Variants in PCDHGA6 observed in about 807,000 individuals in gnomAD.
PCDHGA6 encodes the protein protocadherin gamma subfamily A, 6, also known as protocadherin gamma-A6.
A neutral mutation model predicts 60.6 loss-of-function variants in PCDHGA6; 41 were observed. That is an observed-to-expected ratio of 0.68 (90% confidence interval 0.53 to 0.88). PCDHGA6 has a LOEUF of 0.88. Among genes scored for constraint, PCDHGA6 ranks in the 40% least tolerant of loss-of-function variants. The pLI, the probability that PCDHGA6 is intolerant of heterozygous loss-of-function variation, is 0.00. For synonymous variants in PCDHGA6, 594 were observed against 524.4 expected, an observed-to-expected ratio of 1.13 and a Z score of -1.81; for missense variants, 1,312 against 1,203.0, an observed-to-expected ratio of 1.09 and a Z score of -1.34.
chr5:141,379,192 T>A (rs970501153), intron 1 of PCDHGA6: 36 of 152,346 alleles, frequency 2.4e-4, no homozygotes, highest in African/African-American at 8.7e-4. Context: ...AGTTGATGTG[T>A]TTTTAAATAA....
chr5:141,508,627 C>T (rs566012494), intron 3 of PCDHGA6, among the ~76,000 whole-genome samples: 1 of 152,262 alleles, frequency 6.6e-6, no homozygotes, highest in South Asian at 2.1e-4. Flanking sequence ...GTGGGCCGAG[C>T]TTCTAGCTAC....
intron 1 of PCDHGA6, chr5:141,388,912 C>T: frequency 6.2e-7 from 1 of 1,613,946 alleles, no homozygotes; most frequent in Non-Finnish European, 8.5e-7. Flanking sequence ...GACAACGCCC[C>T]AGAAGTGATA....
intron 1 of PCDHGA6, among the ~76,000 whole-genome samples, chr5:141,386,802 A>T (rs1262742441): frequency 6.6e-6 from 1 of 152,248 alleles, no homozygotes; most frequent in East Asian, 1.9e-4. Context: ...AAAATTTATT[A>T]GATGCATAAA....
chr5:141,390,144 G>A, intron 1 of PCDHGA6: 1 of 1,614,036 alleles, frequency 6.2e-7, no homozygotes, highest in South Asian at 1.1e-5. Context: ...CAATCTATGT[G>A]TTGCACATAC....
intron 1 of PCDHGA6, among the ~76,000 whole-genome samples, chr5:141,494,188 T>G (rs2099752632): frequency 6.6e-6 from 1 of 152,186 alleles, no homozygotes; most frequent in Non-Finnish European, 1.5e-5. Flanking sequence ...GTCCCGGGAC[T>G]TGGATGCCCC....
chr5:141,495,077 C>T (rs1237589417), intron 2 of PCDHGA6, among the ~76,000 whole-genome samples: 4 of 152,180 alleles, frequency 2.6e-5, no homozygotes, highest in African/African-American at 9.7e-5. Flanking sequence ...AATTCACATG[C>T]TTGCCCCTTC....
At chr5:141,447,390 G>A (rs1048677634) in intron 1 of PCDHGA6, among the ~76,000 whole-genome samples, 4 of 151,976 alleles carry the variant, frequency 2.6e-5, no homozygotes, top group Admixed American at 6.6e-5. Flanking sequence ...TGCCCACCTC[G>A]GCCTCCCAAA....
At chr5:141,390,553 A>G in intron 1 of PCDHGA6, 3 of 476,468 alleles carry the variant, frequency 6.3e-6, no homozygotes, top group Non-Finnish European at 1.1e-5. Context: ...TGAAAGTGTT[A>G]GACAGTTGTT....
intron 1 of PCDHGA6, chr5:141,407,930 C>G: frequency 2.0e-6 from 1 of 498,998 alleles, no homozygotes. Context: ...CGCACGGAGC[C>G]TCTGGGCGCC....
At chr5:141,410,807 T>C in intron 1 of PCDHGA6, 1 of 647,592 alleles carries the variant, frequency 1.5e-6, no homozygotes, top group Non-Finnish European at 2.4e-6. Flanking sequence ...CTCTATCTTT[T>C]TGTAAAATAA....
In PCDHGA6 at chr5:141,375,407, G is replaced by A. The variant is rs192651675; in HGVS notation, c.1324G>A (p.Val442Met). 5.6e-6 allele frequency: 9 copies of A among 1,613,974 alleles called. No individual in the cohort carries two copies. The Admixed American group carries it at 1.5e-4, about 27-fold the overall frequency. ...LSTETIISLN[V>M]ADTNDNPPTF... ...TACAGAAACAATCATCTCTCTAAAT[G>A]TGGCAGACACCAACGACAACCCGCC... Residue 442 changes from valine (V) to methionine (M), a missense_variant, in exon 1 of 4, where the codon GTG (valine) becomes ATG (methionine). Transcript: ENST00000517434.
chr5:141,460,921 T>C (rs984603258), intron 1 of PCDHGA6, among the ~76,000 whole-genome samples: 4 of 151,276 alleles, frequency 2.6e-5, no homozygotes, highest in African/African-American at 9.7e-5. Flanking sequence ...TGTATATATA[T>C]ATATGTGTGT....
intron 1 of PCDHGA6, among the ~76,000 whole-genome samples, chr5:141,400,819 C>T (rs1316119038): frequency 6.6e-6 from 1 of 152,132 alleles, no homozygotes; most frequent in Non-Finnish European, 1.5e-5. Context: ...TTTACCTATT[C>T]GTTGTCTCAT....
intron 1 of PCDHGA6, chr5:141,392,164 A>C (rs2092476759): frequency 1.3e-5 from 2 of 152,244 alleles, no homozygotes; most frequent in African/African-American, 4.8e-5. Flanking sequence ...ACAATTTCTG[A>C]GTCAGTCATC....
Position 141,419,433 on chromosome 5 carries a change from T to C in PCDHGA6, c.2424+42926T>C, listed in dbSNP as rs1333004780. 11 of 1,613,246 alleles carry C rather than the reference T, an allele frequency of 6.8e-6. No individual in the cohort carries two copies. The highest frequency in any genetic ancestry group is 9.3e-6 in the Non-Finnish European group (11 of 1,179,828). On this transcript the variant is annotated intron_variant, in intron 1 of 3. Coordinates refer to ENST00000517434, the MANE Select transcript of PCDHGA6 (RefSeq NM_018919.3). ...CAGCGCGCCTTCGACCACGAGCAGC[T>C]GCGCACCTTCGAGCTCACGCTGCAG... is the stretch of plus-strand genomic sequence containing the variant.
intron 1 of PCDHGA6, among the ~76,000 whole-genome samples, chr5:141,450,093 G>A (rs1330425383): frequency 2.8e-5 from 4 of 143,748 alleles, no homozygotes; most frequent in East Asian, 2.1e-4. Context: ...TGCAACCTCC[G>A]CCTCCCAGGT....
chr5:141,423,225 C>G (rs763729316), intron 1 of PCDHGA6: 3 of 1,613,686 alleles, frequency 1.9e-6, no homozygotes, highest in Admixed American at 1.7e-5. Context: ...TGGCTGTGGC[C>G]GACAGCATCC....
Position 141,486,226 on chromosome 5 carries a change from A to G in PCDHGA6, c.2425-8581A>G, listed in dbSNP as rs889500362. 5.0e-6 allele frequency: 8 copies of G among 1,614,012 alleles called. No individual in the cohort carries two copies. The highest frequency in any genetic ancestry group is 6.8e-6 in the Non-Finnish European group (8 of 1,180,018). On this transcript the variant is annotated intron_variant, in intron 1 of 3. Transcript: ENST00000517434. This position sits in a 1 kb window ranked among gnomAD's most constrained non-coding sequence, Gnocchi z 5.0. ...TAAATGACAATGCCCCTTACATCACAGTGACCTCAGAGCTTGGAACCCTCC... is the reference window on the plus strand; with the variant it reads ...TAAATGACAATGCCCCTTACATCACGGTGACCTCAGAGCTTGGAACCCTCC...
chr5:141,420,496 G>T, intron 1 of PCDHGA6: 1 of 495,924 alleles, frequency 2.0e-6, no homozygotes, highest in Non-Finnish European at 3.1e-6. Context: ...GTAATCTCCG[G>T]TGACATTTTT....
Sources: allele counts gnomAD v4.1 joint callset (sites outside exome capture counted in the v4.1 genomes callset), GRCh38; gene constraint gnomAD v4.1.1; non-coding constraint Gnocchi (gnomAD v3.1); transcripts MANE v1.5; gene names NCBI Gene and HGNC (gene_info 2026-07-23, HGNC 2026-07-21).